PDE3A: variants seen among roughly 807,000 people sequenced by gnomAD.
PDE3A encodes cGMP-inhibited 3',5'-cyclic phosphodiesterase 3A.
Under a neutral mutation model 98.3 loss-of-function variants are expected in PDE3A, and 43 were observed. The observed-to-expected ratio is 0.44, with a 90% CI of 0.34 to 0.56. The LOEUF (loss-of-function observed/expected upper bound fraction) is 0.56, where lower values mean the gene tolerates loss of function less well. Among genes scored for constraint, PDE3A ranks in the 20% least tolerant of loss-of-function variants. PDE3A has a pLI of 0.01. For synonymous variants in PDE3A, 663 were observed against 567.9 expected, an observed-to-expected ratio of 1.17 and a Z score of -2.38; for missense variants, 1,427 against 1,440.7, an observed-to-expected ratio of 0.99 and a Z score of 0.15.
chr12:20,685,316 G>A lies in PDE3A; in HGVS notation c.*5045G>A, dbSNP rs187461129. Reference sequence around the variant, plus strand: ...AATCCCAGCTACCCAGGAGGCTGAGGCAGAATCGCTTGAACCTGGGAGGCA... The same window carrying A: ...AATCCCAGCTACCCAGGAGGCTGAGACAGAATCGCTTGAACCTGGGAGGCA... On this transcript the variant is annotated 3_prime_UTR_variant, in exon 16 of 16. Transcript: ENST00000359062. Among the ~76,000 whole-genome samples the A allele has an allele frequency of 6.1e-3, 907 of 148,098 alleles. 5 individuals are homozygous for A. Among genetic ancestry groups the A allele is most frequent in the Non-Finnish European group, 9.8e-3 (661 of 67,666 alleles).
intron 2 of PDE3A, among the ~76,000 whole-genome samples, chr12:20,593,505 T>C (rs144228486): frequency 5.3e-5 from 8 of 150,548 alleles, no homozygotes; most frequent in African/African-American, 1.7e-4. Flanking sequence ...TCGTGTGATA[T>C]AATGAGAGAT....
rs1208159908 is a variant in PDE3A at position 20,392,541 on chromosome 12, AAATAAATAAAT to A, written c.960+22300_960+22310del. On this transcript the variant is annotated intron_variant, in intron 1 of 15. Coordinates refer to ENST00000359062, the MANE Select transcript of PDE3A (RefSeq NM_000921.5). ...TAAATAAATAAATAAATACATAAAT[AAATAAATAAAT>A]AAATAAAATCTAGCTGGACATTATG... is the stretch of plus-strand genomic sequence containing the variant. Among the ~76,000 whole-genome samples, 494 of 137,066 alleles carry A rather than the reference AAATAAATAAAT, an allele frequency of 3.6e-3. 3 individuals are homozygous for A. Among genetic ancestry groups the A allele is most frequent in the African/African-American group, 0.012 (468 of 39,326 alleles). 89.9% of individuals were successfully genotyped at this position (137,066 alleles called of 152,430 possible). A position where few individuals can be genotyped will look rare whatever the true frequency, so the allele number is the denominator to read the frequency against.
intron 10 of PDE3A, among the ~76,000 whole-genome samples, chr12:20,645,547 G>T (rs894754592): frequency 6.6e-6 from 1 of 152,072 alleles, no homozygotes; most frequent in Non-Finnish European, 1.5e-5. Context: ...AATATATAAA[G>T]TATAGGTATT....
At chr12:20,469,059 G>A (rs1211936210) in intron 1 of PDE3A, among the ~76,000 whole-genome samples, 1 of 152,136 alleles carries the variant, frequency 6.6e-6, no homozygotes, top group African/African-American at 2.4e-5. Context: ...TCAGAACCCA[G>A]TGATAGTATG....
chr12:20,484,253 T>A (rs1201081696), intron 1 of PDE3A, among the ~76,000 whole-genome samples: 1 of 152,216 alleles, frequency 6.6e-6, no homozygotes, highest in Non-Finnish European at 1.5e-5. Context: ...TTCCTTGGGA[T>A]TTTTATCTCT....
intron 1 of PDE3A, among the ~76,000 whole-genome samples, chr12:20,542,567 T>C (rs1476483235): frequency 6.6e-6 from 1 of 151,986 alleles, no homozygotes; most frequent in Non-Finnish European, 1.5e-5. Context: ...CAGCACGTAA[T>C]TTTAATGCTA....
intron 1 of PDE3A, among the ~76,000 whole-genome samples, chr12:20,372,090 G>A (rs1031074398): frequency 6.6e-6 from 1 of 152,098 alleles, no homozygotes; most frequent in African/African-American, 2.4e-5. Context: ...TAAGAAGGTG[G>A]TTAGGTAAAT....
rs1052233864 is a variant in PDE3A at position 20,546,254 on chromosome 12, T to C, written c.961-10406T>C. 1.8e-4 allele frequency among the ~76,000 whole-genome samples: 27 copies of C among 152,098 alleles called. No individual in the cohort carries two copies. The East Asian group carries it at 4.6e-3, about 26-fold the overall frequency. The stretch of plus-strand genomic sequence containing the variant: ...TATATGGCAACCCCAGGAATTCTGT[T>C]AGCTTCTTTGGCCTAAGCCCCGGAC... On this transcript the variant is annotated intron_variant, in intron 1 of 15. Coordinates refer to ENST00000359062, the MANE Select transcript of PDE3A (RefSeq NM_000921.5).
chr12:20,556,948 A>G, intron 2 of PDE3A: 2 of 520,456 alleles, frequency 3.8e-6, no homozygotes, highest in South Asian at 5.3e-5. Context: ...TTATATGAAT[A>G]TAGATTTTAT....
intron 1 of PDE3A, among the ~76,000 whole-genome samples, chr12:20,550,365 A>T (rs1470601131): frequency 6.6e-6 from 1 of 152,132 alleles, no homozygotes; most frequent in Admixed American, 6.5e-5. Context: ...GCCAAAAATA[A>T]TGAGCTCATC....
At position 20,654,205 on chromosome 12, in the gene PDE3A, A is replaced by C; in HGVS notation, c.3184A>C (p.Lys1062Gln). ...EETCENNESP[K>Q]KKTFKRRKIY... ...AACCTGTGAAAATAATGAATCTCCA[A>C]GTAAGTTCTAAAACCTAGTTCTAAT... The change falls in exon 15 of 16, where the codon AAA becomes CAA. Residue 1062 changes from lysine to glutamine, a missense_variant and splice_region_variant. By Grantham distance (53) the Lys-to-Gln change is moderately conservative. Coordinates refer to ENST00000359062, the MANE Select transcript of PDE3A (RefSeq NM_000921.5). 6.2e-7 allele frequency: 1 copy of C among 1,613,964 alleles called. No homozygotes were observed. The highest frequency in any genetic ancestry group is 8.5e-7 in the Non-Finnish European group (1 of 1,179,886).
intron 1 of PDE3A, among the ~76,000 whole-genome samples, chr12:20,445,383 T>G (rs1377709329): frequency 6.6e-6 from 1 of 152,202 alleles, no homozygotes; most frequent in Non-Finnish European, 1.5e-5. Context: ...TTTCCCCCTT[T>G]TTGGAGTTAA....
At chr12:20,401,871 A>C (rs1303464426) in intron 1 of PDE3A, among the ~76,000 whole-genome samples, 2 of 152,150 alleles carry the variant, frequency 1.3e-5, no homozygotes, top group African/African-American at 4.8e-5. Context: ...ATGCTTAACA[A>C]ATGTTTTTGA....
intron 1 of PDE3A, among the ~76,000 whole-genome samples, chr12:20,483,117 G>A (rs916150924): frequency 6.6e-5 from 10 of 152,062 alleles, no homozygotes; most frequent in Non-Finnish European, 1.2e-4. Context: ...GAGGCCTTAC[G>A]CGGTAGCTCA....
At chr12:20,410,550 G>A (rs1315324820) in intron 1 of PDE3A, among the ~76,000 whole-genome samples, 3 of 151,982 alleles carry the variant, frequency 2.0e-5, no homozygotes, top group African/African-American at 4.8e-5. Flanking sequence ...AACCACCTCC[G>A]TCAGCTACCT....
chr12:20,427,495 G>A (rs928436814), intron 1 of PDE3A, among the ~76,000 whole-genome samples: 2 of 152,034 alleles, frequency 1.3e-5, no homozygotes, highest in Non-Finnish European at 2.9e-5. Context: ...TGTACTTATG[G>A]TTAGGTATAT....
At chr12:20,469,641 G>A (rs1055757852) in intron 1 of PDE3A, among the ~76,000 whole-genome samples, 4 of 152,084 alleles carry the variant, frequency 2.6e-5, no homozygotes, top group African/African-American at 4.8e-5. Context: ...TAAAAACACC[G>A]GAATCTCCCT....
At position 20,463,006 on chromosome 12, in the gene PDE3A, A is replaced by G. The variant is rs549926039; in HGVS notation, c.960+92762A>G. Among the ~76,000 whole-genome samples the G allele has an allele frequency of 4.6e-5, 7 of 152,150 alleles. No homozygotes were observed. The East Asian group carries it at 1.4e-3, about 29-fold the overall frequency. ...AGGCTGGTCTCAAACTCCTGGCCTCAAACAATCCTCTTGTCTTGGCCCCCG... is the reference window on the plus strand; with the variant it reads ...AGGCTGGTCTCAAACTCCTGGCCTCGAACAATCCTCTTGTCTTGGCCCCCG... On this transcript the variant is annotated intron_variant, in intron 1 of 15. Transcript: ENST00000359062.
In PDE3A at chr12:20,552,534, G is replaced by T. The variant is rs1942241538; in HGVS notation, c.961-4126G>T. 6.2e-7 allele frequency: 1 copy of T among 1,613,222 alleles called. No homozygotes were observed. The highest frequency in any genetic ancestry group is 1.1e-5 in the South Asian group (1 of 90,966). On this transcript the variant is annotated intron_variant, in intron 1 of 15. Coordinates refer to ENST00000359062, the MANE Select transcript of PDE3A (RefSeq NM_000921.5). This position sits in a 1 kb window ranked among gnomAD's most constrained non-coding sequence, Gnocchi z 5.1. ...GGGAGGAGGAGGAGCAGCAGGAGGG[G>T]GGCTTCGCGTCCCCCAGGACGGGCA... is the stretch of plus-strand genomic sequence containing the variant.
Sources: gnomAD v4.1 joint callset for allele counts (sites outside exome capture counted in the v4.1 genomes callset) on GRCh38, gnomAD v4.1.1 for gene constraint, Gnocchi (gnomAD v3.1) non-coding constraint, MANE v1.5 for transcripts, NCBI Gene and HGNC (gene_info 2026-07-23, HGNC 2026-07-21) for gene names.